Variants in IQANK1 observed in about 807,000 individuals in gnomAD.
IQANK1 encodes IQ motif and ankyrin repeat containing 1.
IQANK1 carries 30 observed loss-of-function variants against 22.6 expected under a neutral mutation model. That is an observed-to-expected ratio of 1.33 (90% CI 0.99 to 1.80). IQANK1 has a LOEUF of 1.80. Ranked by LOEUF, IQANK1 falls within the 40% of genes most tolerant of loss-of-function variation. The pLI is 0.00. For synonymous variants in IQANK1, 122 were observed against 99.6 expected, an observed-to-expected ratio of 1.23 and a Z score of -1.34; for missense variants, 275 against 235.2, an observed-to-expected ratio of 1.17 and a Z score of -1.11.
Position 143,790,358 on chromosome 8 carries a change from A to G in IQANK1, c.1433A>G (p.Lys478Arg), listed in dbSNP as rs1820010562. 1 of 1,157,644 alleles carries G rather than the reference A, an allele frequency of 8.6e-7. No individual in the cohort carries two copies. Among genetic ancestry groups the G allele is most frequent in the East Asian group, 3.2e-5 (1 of 31,296 alleles). 71.7% of individuals were successfully genotyped at this position (1,157,644 alleles called of 1,614,324 possible). A position where few individuals can be genotyped will look rare whatever the true frequency, so the allele number is the denominator to read the frequency against. ...CCAGCCTCATGGGGCAGGTATGGGA[A>G]GCCGCTGGTGTTCGACCTGCGAGAG... ...LALLGALRYG[K>R]PLVFDLREED... Residue 478 changes from lysine to arginine, a missense_variant, in exon 14 of 14, where the codon AAG (lysine) becomes AGG (arginine). By Grantham distance (26) the Lys-to-Arg change is conservative. Coordinates refer to ENST00000527139, the MANE Select transcript of IQANK1 (RefSeq NM_001381874.1).
intron 3 of IQANK1, chr8:143,742,348 G>T: frequency 2.2e-6 from 1 of 455,504 alleles, no homozygotes; most frequent in Non-Finnish European, 4.4e-6. Context: ...CCCTGCTTGG[G>T]ACTACAGCAT....
At chr8:143,766,696 G>T (rs372315967) in intron 3 of IQANK1, among the ~76,000 whole-genome samples, 1 of 152,054 alleles carries the variant, frequency 6.6e-6, no homozygotes, top group Non-Finnish European at 1.5e-5. Context: ...AAAAAAGAAC[G>T]TACTGATTTT....
intron 7 of IQANK1, among the ~76,000 whole-genome samples, chr8:143,787,422 C>T (rs1563782120): frequency 6.6e-6 from 1 of 151,996 alleles, no homozygotes; most frequent in African/African-American, 2.4e-5. Flanking sequence ...CCTACACTGC[C>T]CCTTCTTTCC....
At chr8:143,783,882 C>G (rs1819840148) in intron 7 of IQANK1, among the ~76,000 whole-genome samples, 1 of 152,202 alleles carries the variant, frequency 6.6e-6, no homozygotes, top group Non-Finnish European at 1.5e-5. Context: ...AGTCAAGTGT[C>G]TATATACTTA....
Position 143,771,916 on chromosome 8 carries a change from A to C in IQANK1, c.422A>C (p.Asp141Ala). The C allele has an allele frequency of 2.8e-6, 1 of 353,236 alleles. No individual in the cohort carries two copies. The allele number at this position is 353,236 out of a possible 1,614,324, so 21.9% of individuals were successfully genotyped here. A position where few individuals can be genotyped will look rare whatever the true frequency, so the allele number is the denominator to read the frequency against. The change falls in exon 5 of 14, where the codon GAC (aspartate) becomes GCC (alanine). Residue 141 changes from aspartate to alanine, a missense_variant. Physicochemically the swap from Asp to Ala is moderately radical, Grantham distance 126. Coordinates refer to ENST00000527139, the MANE Select transcript of IQANK1 (RefSeq NM_001381874.1). The surrounding 1 kb of genome is among the most constrained non-coding windows in gnomAD (Gnocchi z 6.0). ...CTGCAGCGTCGCCGCCGCCTGCTGG[A>C]CGCCGCCTTCGACGGGGACGTGGGC... ...EELQRRRRLL[D>A]AAFDGDVGEI...
intron 7 of IQANK1, among the ~76,000 whole-genome samples, chr8:143,784,967 C>T (rs1309829669): frequency 1.3e-5 from 2 of 152,176 alleles, no homozygotes; most frequent in African/African-American, 4.8e-5. Flanking sequence ...TGTGACATGT[C>T]TTTCAGTTTA....
At chr8:143,773,326 C>CAAAAAAAAAA (rs1563777460) in intron 7 of IQANK1, among the ~76,000 whole-genome samples, 16 of 121,580 alleles carry the variant, frequency 1.3e-4, no homozygotes, top group African/African-American at 6.2e-4. Flanking sequence ...ACAAAAAAAA[C>CAAAAAAAAAA]ACAAAAAAAA....
rs1351259474 is a variant in IQANK1, at chr8:143,774,559, C to A, written c.789+2077C>A. Among the ~76,000 whole-genome samples, 2 of 152,152 alleles carry A rather than the reference C, an allele frequency of 1.3e-5. No homozygotes were observed. Among genetic ancestry groups the A allele is most frequent in the African/African-American group, 4.8e-5 (2 of 41,426 alleles). On this transcript the variant is annotated intron_variant, in intron 7 of 13. Transcript: ENST00000527139. The surrounding 1 kb of genome is among the most constrained non-coding windows in gnomAD (Gnocchi z 4.2). ...GCCCTGCCACACCTTGCTGGGGGGA[C>A]GCAGCACCAGTACAGCCGCTCTTGC... is the stretch of plus-strand genomic sequence containing the variant.
intron 7 of IQANK1, among the ~76,000 whole-genome samples, chr8:143,788,300 C>T (rs1295423071): frequency 2.0e-5 from 3 of 152,232 alleles, no homozygotes; most frequent in African/African-American, 7.2e-5. Flanking sequence ...CACTGTGACC[C>T]CCTCCAAGCA....
At chr8:143,743,130 A>G in intron 3 of IQANK1, 1 of 429,494 alleles carries the variant, frequency 2.3e-6, no homozygotes, top group Non-Finnish European at 4.8e-6. Flanking sequence ...TGCCAGGCTG[A>G]CGTCGAGGAA....
intron 3 of IQANK1, among the ~76,000 whole-genome samples, chr8:143,748,640 T>G (rs1236028546): frequency 1.8e-4 from 22 of 125,094 alleles, no homozygotes. Context: ...CATATATAAA[T>G]ATATAAATAT....
chr8:143,782,826 C>T (rs1262812616), intron 7 of IQANK1, among the ~76,000 whole-genome samples: 1 of 152,212 alleles, frequency 6.6e-6, no homozygotes, highest in African/African-American at 2.4e-5. Context: ...TATTCATTCA[C>T]TTTGTCATCC....
At chr8:143,747,849 A>G (rs1819059548) in intron 3 of IQANK1, among the ~76,000 whole-genome samples, 1 of 151,988 alleles carries the variant, frequency 6.6e-6, no homozygotes, top group Non-Finnish European at 1.5e-5. Flanking sequence ...AAGAATGTAT[A>G]TGCTATTATT....
intron 3 of IQANK1, among the ~76,000 whole-genome samples, chr8:143,749,023 TATAAAA>T (rs1819121172): frequency 8.3e-6 from 1 of 120,878 alleles, no homozygotes; most frequent in Non-Finnish European, 1.6e-5. Context: ...ATATATAAAA[TATAAAA>T]ATATAAATAT....
At chr8:143,756,095 C>T (rs1172466018) in intron 3 of IQANK1, among the ~76,000 whole-genome samples, 1 of 152,232 alleles carries the variant, frequency 6.6e-6, no homozygotes, top group Admixed American at 6.5e-5. Context: ...AGGTGCACAA[C>T]ATCTTCACAT....
intron 3 of IQANK1, among the ~76,000 whole-genome samples, chr8:143,755,984 C>T (rs559910490): frequency 5.9e-5 from 9 of 152,338 alleles, no homozygotes; most frequent in African/African-American, 1.9e-4. Context: ...ATGAAGGTGG[C>T]TGGAAAGCAT....
intron 3 of IQANK1, among the ~76,000 whole-genome samples, chr8:143,756,672 GT>G (rs1554628509): frequency 6.6e-6 from 1 of 151,890 alleles, no homozygotes; most frequent in Non-Finnish European, 1.5e-5. Context: ...GCAAACCAGA[GT>G]TTTTTTCTCA....
intron 10 of IQANK1, 45 bp from the exon 11 acceptor site, chr8:143,789,716 G>T: frequency 8.2e-7 from 1 of 1,226,794 alleles, no homozygotes; most frequent in South Asian, 4.1e-5. Flanking sequence ...TCTCCAGCCA[G>T]AGCATGGGGC....
chr8:143,776,284 G>T (rs1341498290), intron 7 of IQANK1, among the ~76,000 whole-genome samples: 1 of 124,620 alleles, frequency 8.0e-6, no homozygotes, highest in Non-Finnish European at 1.5e-5. Context: ...TGGCGCCACT[G>T]CAGTCCGCAG....
Sources: gnomAD v4.1 joint callset for allele counts (sites outside exome capture counted in the v4.1 genomes callset) on GRCh38, gnomAD v4.1.1 for gene constraint, Gnocchi (gnomAD v3.1) non-coding constraint, MANE v1.5 for transcripts, NCBI Gene and HGNC (gene_info 2026-07-23, HGNC 2026-07-21) for gene names.